The following AFG3L2 variants were observed in gnomAD, a reference collection of about 807,000 sequenced individuals.
The protein encoded by AFG3L2 is AFG3 like matrix AAA peptidase subunit 2.
A neutral mutation model predicts 94.5 loss-of-function variants in AFG3L2; 54 were observed. The ratio of observed to expected loss-of-function variants is 0.57; its 90% confidence interval spans 0.46 to 0.72. The LOEUF (loss-of-function observed/expected upper bound fraction) is 0.72. AFG3L2 is among the 30% of genes least tolerant of loss of function. AFG3L2 has a pLI of 0.00. For synonymous variants in AFG3L2, 377 were observed against 365.5 expected (o/e 1.03, Z -0.36); for missense variants, 754 against 994.9 (o/e 0.76, Z 3.26).
chr18:12,350,925 C>T (rs576320734), intron 12 of AFG3L2, among the ~76,000 whole-genome samples, 160 bp downstream of exon 12: 20 of 151,980 alleles, frequency 1.3e-4, no homozygotes, highest in Non-Finnish European at 2.5e-4. Context: ...CCATCCTGTG[C>T]AATTAAGTGA....
intron 8 of AFG3L2, among the ~76,000 whole-genome samples, chr18:12,357,082 G>A (rs1157483472): frequency 6.6e-6 from 1 of 152,106 alleles, no homozygotes; most frequent in Non-Finnish European, 1.5e-5. Context: ...TCCTAGGGCT[G>A]ATTTTTAGAC....
intron 7 of AFG3L2, among the ~76,000 whole-genome samples, chr18:12,359,543 A>T (rs941873654): frequency 6.6e-6 from 1 of 152,180 alleles, no homozygotes; most frequent in Non-Finnish European, 1.5e-5. Context: ...GTTCAAGACC[A>T]GCCTGGCCAA....
chr18:12,358,975 C>T, intron 7 of AFG3L2, 32 bp from the exon 8 acceptor site: 1 of 1,593,950 alleles, frequency 6.3e-7, no homozygotes, highest in South Asian at 1.1e-5. Context: ...CGGGTTAGGA[C>T]TGGCTGCTCA....
At chr18:12,373,201 G>A (rs981207390) in intron 1 of AFG3L2, among the ~76,000 whole-genome samples, 1 of 152,172 alleles carries the variant, frequency 6.6e-6, no homozygotes, top group Non-Finnish European at 1.5e-5. Context: ...GTTACACCCT[G>A]CCCAACCACA....
intron 6 of AFG3L2, 126 bp from the exon 7 acceptor site, chr18:12,360,177 A>G (rs1908616438): frequency 2.2e-6 from 2 of 904,516 alleles, no homozygotes; most frequent in South Asian, 3.3e-5. Flanking sequence ...AGAATAAACA[A>G]TAATAAAAGA....
At chr18:12,355,813 C>T (rs1047712596) in intron 9 of AFG3L2, among the ~76,000 whole-genome samples, 6 of 151,978 alleles carry the variant, frequency 3.9e-5, no homozygotes, top group Non-Finnish European at 5.9e-5. Flanking sequence ...GGACTACAGG[C>T]GCCCGCCACC....
chr18:12,353,189 C>T, intron 9 of AFG3L2, 31 bp from the exon 10 acceptor site: 1 of 1,612,604 alleles, frequency 6.2e-7, no homozygotes, highest in Middle Eastern at 1.7e-4. Flanking sequence ...AGTCACCTGA[C>T]CAGAGAATAT....
chr18:12,377,069 C>T lies in AFG3L2; in HGVS notation c.14G>A (p.Cys5Tyr), dbSNP rs113810742. The T allele has an allele frequency of 1.9e-5, 27 of 1,426,708 alleles. No homozygotes were observed. In the Admixed American group the frequency reaches 4.4e-4, roughly 23 times the overall value. 88.4% of individuals were successfully genotyped at this position (1,426,708 alleles called of 1,614,324 possible). The change falls in exon 1 of 17, where the codon TGT becomes TAT. Residue 5 changes from cysteine to tyrosine, a missense_variant. Physicochemically the swap from Cys to Tyr is radical, Grantham distance 194. Transcript: ENST00000269143. The stretch of plus-strand genomic sequence containing the variant: ...GCCGCCCCGGCCCCACAGCCGCAAA[C>T]AGCGGTGCGCCATGGCCGCCGCCGT... Reference protein sequence around the residue: MAHRCLRLWGRGGCW... With the variant: MAHRYLRLWGRGGCW...
At chr18:12,345,238 C>T (rs1311928763) in intron 13 of AFG3L2, among the ~76,000 whole-genome samples, 1 of 152,230 alleles carries the variant, frequency 6.6e-6, no homozygotes, top group Non-Finnish European at 1.5e-5. Flanking sequence ...CGTGCTGCAG[C>T]CTGCGTCCAC....
intron 16 of AFG3L2, among the ~76,000 whole-genome samples, chr18:12,331,017 C>T (rs1339539301): frequency 6.6e-6 from 1 of 152,176 alleles, no homozygotes; most frequent in Non-Finnish European, 1.5e-5. Flanking sequence ...AGTCATGCAC[C>T]GCTAAGAGCA....
intron 12 of AFG3L2, 34 bp from the exon 13 acceptor site, chr18:12,348,417 A>C (rs1416451470): frequency 1.9e-6 from 3 of 1,545,658 alleles, no homozygotes; most frequent in Middle Eastern, 1.7e-4. Flanking sequence ...TTACCCACCG[A>C]AATACGCCCA....
intron 14 of AFG3L2, 138 bp from the exon 15 acceptor site, chr18:12,340,539 T>C: frequency 1.3e-6 from 1 of 753,394 alleles, no homozygotes; most frequent in Non-Finnish European, 2.4e-6. Flanking sequence ...TGGGATGTGA[T>C]CTAGCAGTGA....
At chr18:12,333,817 C>T (rs1907661839) in intron 16 of AFG3L2, among the ~76,000 whole-genome samples, 1 of 152,228 alleles carries the variant, frequency 6.6e-6, no homozygotes, top group South Asian at 2.1e-4. Flanking sequence ...CCCTCCGCAG[C>T]TGCCTTACAG....
At chr18:12,358,096 C>A (rs1160228615) in intron 8 of AFG3L2, among the ~76,000 whole-genome samples, 1 of 152,104 alleles carries the variant, frequency 6.6e-6, no homozygotes. Context: ...CCTTTTTATT[C>A]ATTTACTTAA....
At chr18:12,338,739 T>G (rs561590815) in intron 15 of AFG3L2, among the ~76,000 whole-genome samples, 1 of 152,228 alleles carries the variant, frequency 6.6e-6, no homozygotes, top group East Asian at 1.9e-4. Flanking sequence ...GAATAGTTTC[T>G]CCAGAGATAA....
intron 16 of AFG3L2, among the ~76,000 whole-genome samples, chr18:12,331,540 C>G: frequency 6.6e-6 from 1 of 152,128 alleles, no homozygotes; most frequent in Middle Eastern, 3.2e-3. Context: ...CAATGGCTCA[C>G]GCCTGTAATC....
At chr18:12,360,971 A>G (rs1244663864) in intron 6 of AFG3L2, among the ~76,000 whole-genome samples, 1 of 152,216 alleles carries the variant, frequency 6.6e-6, no homozygotes, top group Non-Finnish European at 1.5e-5. Flanking sequence ...AGCACTGTGC[A>G]TGTATTAGCT....
At chr18:12,347,389 C>T (rs528363881) in intron 13 of AFG3L2, among the ~76,000 whole-genome samples, 1 of 152,330 alleles carries the variant, frequency 6.6e-6, no homozygotes, top group South Asian at 2.1e-4. Flanking sequence ...GCTTCCCCTT[C>T]CTTTGAATGC....
intron 1 of AFG3L2, among the ~76,000 whole-genome samples, chr18:12,372,072 G>C (rs1224501947): frequency 6.6e-6 from 1 of 152,224 alleles, no homozygotes; most frequent in Admixed American, 6.5e-5. Context: ...TTGGGAGGCC[G>C]AGGTGGGTGC....
Sources: allele counts gnomAD v4.1 joint callset (sites outside exome capture counted in the v4.1 genomes callset), GRCh38; gene constraint gnomAD v4.1.1; transcripts MANE v1.5; gene names NCBI Gene and HGNC (gene_info 2026-07-23, HGNC 2026-07-21).